Variants in FOXK2 observed in about 807,000 individuals in gnomAD.
FOXK2 encodes forkhead box K2.
FOXK2 carries 24 observed loss-of-function variants against 53.3 expected under a neutral mutation model. The observed-to-expected ratio is 0.45, with a 90% CI of 0.33 to 0.63. The LOEUF (loss-of-function observed/expected upper bound fraction) is 0.63, where lower values mean the gene tolerates loss of function less well. Among genes scored for constraint, FOXK2 ranks in the 30% least tolerant of loss-of-function variants. The pLI is 0.03. For synonymous variants in FOXK2, 505 were observed against 407.1 expected (o/e 1.24, Z -2.89); for missense variants, 952 against 910.5 (o/e 1.05, Z -0.59).
chr17:82,587,167 C>G lies in FOXK2; in HGVS notation c.1681C>G (p.Gln561Glu), dbSNP rs761232942. The G allele has an allele frequency of 6.2e-7, 1 of 1,613,100 alleles. No homozygotes were observed. Among genetic ancestry groups the G allele is most frequent in the Admixed American group, 1.7e-5 (1 of 60,024 alleles). ...TTPVQTVTIVQQAPLGQHQLP... is the reference protein window; with the variant it reads ...TTPVQTVTIVEQAPLGQHQLP... The stretch of plus-strand genomic sequence containing the variant: ...CCCGGTCCAGACGGTGACCATAGTA[C>G]AACAGGCACCTCTAGGTCAACACCA... The change falls in exon 8 of 9, where the codon CAA (glutamine) becomes GAA (glutamate). Residue 561 changes from glutamine (Q) to glutamate (E), a missense_variant. Gln to Glu is a conservative substitution (Grantham distance 29). Coordinates refer to ENST00000335255, the MANE Select transcript of FOXK2 (RefSeq NM_004514.4).
chr17:82,563,814 C>G, intron 2 of FOXK2, among the ~76,000 whole-genome samples: 1 of 125,590 alleles, frequency 8.0e-6, no homozygotes, highest in South Asian at 2.6e-4. Context: ...TGCAGTGGTG[C>G]TATCTTGGCT....
intron 2 of FOXK2, among the ~76,000 whole-genome samples, chr17:82,565,366 G>A (rs182282631): frequency 1.3e-5 from 2 of 152,298 alleles, no homozygotes; most frequent in Admixed American, 1.3e-4. Context: ...GACAACATCA[G>A]TAGTGAAAAG....
chr17:82,561,339 G>C (rs892348873), intron 1 of FOXK2, among the ~76,000 whole-genome samples: 2 of 152,004 alleles, frequency 1.3e-5, no homozygotes, highest in African/African-American at 4.8e-5. Context: ...CCTGGAGCTG[G>C]AAGTGGGGAT....
At chr17:82,590,001 A>G (rs1167414141) in intron 8 of FOXK2, among the ~76,000 whole-genome samples, 2 of 152,038 alleles carry the variant, frequency 1.3e-5, no homozygotes, top group African/African-American at 4.8e-5. Context: ...AGCCGAGTTC[A>G]GACCACTGCA....
At chr17:82,577,398 C>T (rs2045001032) in intron 4 of FOXK2, 3 of 460,432 alleles carry the variant, frequency 6.5e-6, no homozygotes, top group South Asian at 6.4e-5. Flanking sequence ...TCCATCACTG[C>T]AGCCCCGAGC....
intron 3 of FOXK2, among the ~76,000 whole-genome samples, chr17:82,570,698 A>ACC (rs2044908207): frequency 6.6e-6 from 1 of 152,186 alleles, no homozygotes; most frequent in Non-Finnish European, 1.5e-5. Flanking sequence ...ATCATCTTGA[A>ACC]TGTATTTTTT....
intron 1 of FOXK2, chr17:82,559,553 T>A (rs2144107965): frequency 2.2e-6 from 1 of 450,406 alleles, no homozygotes; most frequent in African/African-American, 2.0e-5. Flanking sequence ...TGAGGAGGAC[T>A]CAGGAGATGA....
chr17:82,552,827 C>A (rs180997221), intron 1 of FOXK2, among the ~76,000 whole-genome samples: 7 of 152,248 alleles, frequency 4.6e-5, no homozygotes, highest in Non-Finnish European at 7.4e-5. Flanking sequence ...ACCTCTGCAG[C>A]CACTCTGCTC....
chr17:82,583,272 C>G (rs1161567331), intron 5 of FOXK2, among the ~76,000 whole-genome samples: 1 of 152,240 alleles, frequency 6.6e-6, no homozygotes, highest in Non-Finnish European at 1.5e-5. Flanking sequence ...AGGCCGGGCG[C>G]TGTGGCTCAC....
rs750973206 is a variant in FOXK2 at position 82,574,321 on chromosome 17, C to CTT, written c.909+2466_909+2467dup. ...CTAGTTCATGGACATTACTCTCTCT[C>CTT]TTTTTTTTTTTTTTTTGAGATAGAG... On this transcript the variant is annotated intron_variant, in intron 4 of 8. Coordinates refer to ENST00000335255, the MANE Select transcript of FOXK2 (RefSeq NM_004514.4). 7.7e-3 allele frequency among the ~76,000 whole-genome samples: 1,056 copies of CTT among 137,188 alleles called. 3 individuals carry two copies. The highest frequency in any genetic ancestry group is 0.01 in the Admixed American group (142 of 13,612). 90.0% of individuals were successfully genotyped at this position (137,188 alleles called of 152,430 possible). A position where few individuals can be genotyped will look rare whatever the true frequency, so the allele number is the denominator to read the frequency against.
chr17:82,554,383 A>G (rs904584576), intron 1 of FOXK2, among the ~76,000 whole-genome samples: 6 of 152,154 alleles, frequency 3.9e-5, no homozygotes, highest in Non-Finnish European at 7.4e-5. Flanking sequence ...GTTAATTCAT[A>G]AACTCCAGAC....
intron 8 of FOXK2, chr17:82,595,964 C>CG: frequency 8.2e-7 from 1 of 1,213,050 alleles, no homozygotes. Context: ...ACACCTACAG[C>CG]GTGGATGCTG....
rs961022296 is a variant in FOXK2, at chr17:82,528,261, A to G, written c.419+7954A>G. Among the ~76,000 whole-genome samples the G allele has an allele frequency of 5.3e-5, 8 of 152,212 alleles. No homozygotes were observed. The South Asian group carries it at 8.3e-4, about 16-fold the overall frequency. ...ATATTCCAGGAGATGAGGCTGTTAC[A>G]GTAACAGCAGATTTTTCCATTGTGA... On this transcript the variant is annotated intron_variant, in intron 1 of 8. Transcript: ENST00000335255.
intron 3 of FOXK2, among the ~76,000 whole-genome samples, chr17:82,570,357 G>A (rs2044904127): frequency 6.6e-6 from 1 of 152,218 alleles, no homozygotes; most frequent in Non-Finnish European, 1.5e-5. Flanking sequence ...GCCAGGCATA[G>A]TGGCATGAGC....
At chr17:82,526,019 A>G (rs542769279) in intron 1 of FOXK2, among the ~76,000 whole-genome samples, 6 of 151,606 alleles carry the variant, frequency 4.0e-5, no homozygotes, top group Non-Finnish European at 7.4e-5. Flanking sequence ...TTTATGTGGC[A>G]TGAATCCCTC....
rs2045114789 is a variant in FOXK2 at position 82,584,890 on chromosome 17, A to C, written c.1279+702A>C. On this transcript the variant is annotated intron_variant, in intron 6 of 8. Transcript: ENST00000335255. ...TTAAGGAATAGGTAAAACAGTTTGC[A>C]GTTTACTTAGTCATAATGTGGAATA... Among the ~76,000 whole-genome samples, 16 of 152,350 alleles carry C rather than the reference A, an allele frequency of 1.1e-4. No homozygotes were observed. In the South Asian group the frequency reaches 3.3e-3, roughly 32 times the overall value.
chr17:82,526,228 G>T (rs1430747062), intron 1 of FOXK2, among the ~76,000 whole-genome samples: 1 of 152,210 alleles, frequency 6.6e-6, no homozygotes, highest in Non-Finnish European at 1.5e-5. Context: ...TCAGAATGCA[G>T]ATGGGCAGAA....
intron 8 of FOXK2, chr17:82,595,888 G>A (rs747238502): frequency 4.1e-5 from 53 of 1,283,378 alleles, no homozygotes; most frequent in Non-Finnish European, 5.1e-5. Flanking sequence ...CTGGAGACAA[G>A]AGCAAAGCCT....
intron 1 of FOXK2, among the ~76,000 whole-genome samples, chr17:82,526,698 C>T (rs540724453): frequency 6.6e-6 from 1 of 152,158 alleles, no homozygotes; most frequent in African/African-American, 2.4e-5. Flanking sequence ...GGCATGGTGG[C>T]GGGCACCTCT....
Sources: allele counts gnomAD v4.1 joint callset (sites outside exome capture counted in the v4.1 genomes callset), GRCh38; gene constraint gnomAD v4.1.1; transcripts MANE v1.5; gene names NCBI Gene and HGNC (gene_info 2026-07-23, HGNC 2026-07-21).